PIBF1: variants seen among roughly 807,000 people sequenced by gnomAD.
The protein encoded by PIBF1 is progesterone immunomodulatory binding factor 1, also known as progesterone-induced-blocking factor 1.
A neutral mutation model predicts 112.5 loss-of-function variants in PIBF1; 90 were observed. The observed-to-expected ratio is 0.80, with a 90% CI of 0.67 to 0.95. The LOEUF (loss-of-function observed/expected upper bound fraction) is 0.95. PIBF1 is among the 40% of genes least tolerant of loss of function. PIBF1 has a pLI of 0.00. For synonymous variants in PIBF1, 301 were observed against 288.6 expected, an observed-to-expected ratio of 1.04 and a Z score of -0.44; for missense variants, 915 against 852.3, an observed-to-expected ratio of 1.07 and a Z score of -0.92.
intron 5 of PIBF1, among the ~76,000 whole-genome samples, chr13:72,818,458 T>G (rs74544719): frequency 0.12 from 18,128 of 152,194 alleles, 1,452 homozygotes; most frequent in Non-Finnish European, 0.17. Context: ...CTCAGTCTTA[T>G]AGCCCACATT....
intron 10 of PIBF1, among the ~76,000 whole-genome samples, chr13:72,877,769 G>A (rs1173184106): frequency 7.0e-6 from 1 of 142,682 alleles, no homozygotes; most frequent in African/African-American, 2.6e-5. Flanking sequence ...TTTTTTTTGA[G>A]ACAGAGTTTT....
At chr13:72,821,435 AC>A (rs2036553382) in intron 5 of PIBF1, among the ~76,000 whole-genome samples, 1 of 152,200 alleles carries the variant, frequency 6.6e-6, no homozygotes, top group Non-Finnish European at 1.5e-5. Flanking sequence ...CATTGTAGAT[AC>A]TGATATCCAT....
chr13:72,938,493 A>G (rs777943762), intron 14 of PIBF1, among the ~76,000 whole-genome samples: 5 of 152,156 alleles, frequency 3.3e-5, no homozygotes, highest in Admixed American at 6.6e-5. Context: ...TTCACTTAGC[A>G]TAATGTTTTC....
chr13:72,832,780 G>A (rs1015458885), intron 8 of PIBF1, among the ~76,000 whole-genome samples: 8 of 152,178 alleles, frequency 5.3e-5, no homozygotes, highest in African/African-American at 1.7e-4. Context: ...TATCTTTGTC[G>A]TGTTCTCTGT....
chr13:72,812,898 G>A (rs925129855), intron 5 of PIBF1, among the ~76,000 whole-genome samples: 1 of 152,030 alleles, frequency 6.6e-6, no homozygotes, highest in African/African-American at 2.4e-5. Flanking sequence ...AGTTTGCAGT[G>A]AGCCAAGATC....
chr13:72,789,197 A>G (rs541352942), intron 2 of PIBF1, among the ~76,000 whole-genome samples: 8 of 151,822 alleles, frequency 5.3e-5, no homozygotes, highest in Admixed American at 5.2e-4. Flanking sequence ...TTGCCTTTCA[A>G]ATTTTTAGAC....
At chr13:72,814,131 G>T (rs1445668441) in intron 5 of PIBF1, among the ~76,000 whole-genome samples, 1 of 152,108 alleles carries the variant, frequency 6.6e-6, no homozygotes, top group African/African-American at 2.4e-5. Context: ...TATGCTTAAT[G>T]AAAATTGATA....
At chr13:72,791,466 C>A (rs1288559292) in intron 2 of PIBF1, among the ~76,000 whole-genome samples, 1 of 152,140 alleles carries the variant, frequency 6.6e-6, no homozygotes, top group Non-Finnish European at 1.5e-5. Context: ...GAAAGCACAG[C>A]ATACTTGGGG....
intron 15 of PIBF1, among the ~76,000 whole-genome samples, chr13:72,967,379 G>A (rs1341150609): frequency 6.6e-6 from 1 of 152,074 alleles, no homozygotes; most frequent in African/African-American, 2.4e-5. Flanking sequence ...AAGAATTAAG[G>A]TAGCTTAAAA....
At chr13:72,895,115 T>A (rs989598033) in intron 11 of PIBF1, among the ~76,000 whole-genome samples, 1 of 151,904 alleles carries the variant, frequency 6.6e-6, no homozygotes, top group Non-Finnish European at 1.5e-5. Flanking sequence ...AGAGCAAGAC[T>A]ACATCAAAAA....
Position 72,792,484 on chromosome 13 carries a change from A to C in PIBF1, c.290A>C (p.His97Pro). The C allele has an allele frequency of 6.3e-7, 1 of 1,579,334 alleles. No individual in the cohort carries two copies. The highest frequency in any genetic ancestry group is 8.6e-7 in the Non-Finnish European group (1 of 1,166,816). ...ELEEKLNDAL[H>P]QKQLLTLRLD... The stretch of plus-strand genomic sequence containing the variant: ...GAGGAGAAACTTAATGATGCACTTC[A>C]CCAGAAGCAGCTACTAACATTGAGA... The change falls in exon 3 of 18, where the codon CAC becomes CCC. Residue 97 changes from histidine to proline, a missense_variant. Coordinates refer to ENST00000326291, the MANE Select transcript of PIBF1 (RefSeq NM_006346.4).
At position 72,852,300 on chromosome 13, in the gene PIBF1, C is replaced by T. The variant is rs74881741; in HGVS notation, c.1224-1757C>T. 1.8e-3 allele frequency among the ~76,000 whole-genome samples: 273 copies of T among 152,326 alleles called. 6 individuals are homozygous for T. In the East Asian group the frequency reaches 0.049, roughly 27 times the overall value. ...CCAAGCTTCCGGACACCACTGCATT[C>T]CCCGGTGCCAGCAGTGGAAGCTGCT... On this transcript the variant is annotated intron_variant, in intron 9 of 17. Transcript: ENST00000326291.
At chr13:72,865,377 T>G (rs1412476941) in intron 10 of PIBF1, among the ~76,000 whole-genome samples, 1 of 152,180 alleles carries the variant, frequency 6.6e-6, no homozygotes, top group Non-Finnish European at 1.5e-5. Context: ...ACTTTATGTT[T>G]GTAAAAACTA....
intron 17 of PIBF1, among the ~76,000 whole-genome samples, chr13:73,000,713 C>T (rs2043834180): frequency 6.6e-6 from 1 of 152,206 alleles, no homozygotes; most frequent in South Asian, 2.1e-4. Context: ...CTGCTCCAGG[C>T]AGTGGCACTA....
intron 5 of PIBF1, among the ~76,000 whole-genome samples, chr13:72,808,808 G>A (rs1257631843): frequency 6.6e-6 from 1 of 152,104 alleles, no homozygotes; most frequent in African/African-American, 2.4e-5. Context: ...GGCACAGAAT[G>A]GGACTGGCCT....
chr13:72,931,970 C>A (rs2041722348), intron 14 of PIBF1, among the ~76,000 whole-genome samples: 1 of 115,734 alleles, frequency 8.6e-6, no homozygotes, highest in Non-Finnish European at 1.7e-5. Flanking sequence ...GAGACAGGGT[C>A]TGGCTTTATC....
intron 9 of PIBF1, among the ~76,000 whole-genome samples, chr13:72,852,641 A>G (rs763640617): frequency 2.6e-5 from 4 of 152,178 alleles, no homozygotes; most frequent in Non-Finnish European, 5.9e-5. Context: ...CGCCCCAAGG[A>G]TCCTGTGACA....
intron 15 of PIBF1, among the ~76,000 whole-genome samples, chr13:72,968,574 T>G (rs1394722875): frequency 1.3e-5 from 2 of 152,114 alleles, no homozygotes; most frequent in Non-Finnish European, 2.9e-5. Context: ...GTGCTGGGAT[T>G]ACAGGCATGA....
At chr13:72,963,896 G>A (rs756638799) in intron 14 of PIBF1, among the ~76,000 whole-genome samples, 32 of 152,068 alleles carry the variant, frequency 2.1e-4, no homozygotes, top group Non-Finnish European at 4.0e-4. Context: ...ATGTAAAATG[G>A]TATCACCACT....
Sources: gnomAD v4.1 joint callset for allele counts (sites outside exome capture counted in the v4.1 genomes callset) on GRCh38, gnomAD v4.1.1 for gene constraint, MANE v1.5 for transcripts, NCBI Gene and HGNC (gene_info 2026-07-23, HGNC 2026-07-21) for gene names.